Variants in AGTPBP1 observed in about 807,000 individuals in gnomAD.
AGTPBP1 encodes cytosolic carboxypeptidase 1.
In AGTPBP1, 70 loss-of-function variants were observed where a neutral mutation model predicts 143.9. The ratio of observed to expected loss-of-function variants is 0.49; its 90% confidence interval spans 0.40 to 0.59. AGTPBP1 has a LOEUF of 0.59. Among genes scored for constraint, AGTPBP1 ranks in the 20% least tolerant of loss-of-function variants. The pLI is 0.00. For synonymous variants in AGTPBP1, 463 were observed against 500.2 expected, an observed-to-expected ratio of 0.93 and a Z score of 0.99; for missense variants, 1,229 against 1,464.5, an observed-to-expected ratio of 0.84 and a Z score of 2.62.
the AGTPBP1 span, among the ~76,000 whole-genome samples, chr9:85,765,537 A>C: frequency 2.0e-5 from 3 of 151,960 alleles, no homozygotes; most frequent in Non-Finnish European, 4.4e-5. Context: ...ACTATGTAGA[A>C]GATGATTCAT....
At chr9:85,617,197 A>G (rs1830647159) in intron 17 of AGTPBP1, among the ~76,000 whole-genome samples, 1 of 152,172 alleles carries the variant, frequency 6.6e-6, no homozygotes, top group African/African-American at 2.4e-5. Context: ...AAATAGCATT[A>G]TCATATTCAT....
intron 1 of AGTPBP1, among the ~76,000 whole-genome samples, chr9:85,718,754 T>A (rs148405418): frequency 9.2e-5 from 14 of 152,360 alleles, no homozygotes; most frequent in African/African-American, 3.4e-4. Flanking sequence ...CATGCCTATG[T>A]CCTCAATGGT....
At chr9:85,639,361 G>GCA (rs1338803448) in intron 13 of AGTPBP1, among the ~76,000 whole-genome samples, 61 of 131,088 alleles carry the variant, frequency 4.7e-4, no homozygotes, top group Middle Eastern at 3.8e-3. Context: ...CCATGCGCGC[G>GCA]CACGCGCACA....
At chr9:85,568,500 G>A (rs569326670) in intron 25 of AGTPBP1, among the ~76,000 whole-genome samples, 9 of 152,286 alleles carry the variant, frequency 5.9e-5, no homozygotes, top group Admixed American at 3.9e-4. Context: ...AGGTGTAGGT[G>A]ACTTACGCTG....
the AGTPBP1 span, among the ~76,000 whole-genome samples, chr9:85,754,996 T>C: frequency 1.3e-5 from 2 of 152,228 alleles, no homozygotes; most frequent in Non-Finnish European, 2.9e-5. Flanking sequence ...AACATTTTTA[T>C]AGTTGCTCTT....
chr9:85,802,159 A>G, the AGTPBP1 span, among the ~76,000 whole-genome samples: 1 of 152,116 alleles, frequency 6.6e-6, no homozygotes. Flanking sequence ...ACCATCTCTT[A>G]TCGTTCCAAG....
At chr9:85,589,108 A>T (rs1299698479) in intron 20 of AGTPBP1, among the ~76,000 whole-genome samples, 4 of 152,206 alleles carry the variant, frequency 2.6e-5, no homozygotes, top group African/African-American at 9.6e-5. Flanking sequence ...ATTTAAAAAA[A>T]TATAAATGGC....
intron 17 of AGTPBP1, among the ~76,000 whole-genome samples, chr9:85,615,549 T>C (rs1830557933): frequency 6.6e-6 from 1 of 152,050 alleles, no homozygotes; most frequent in African/African-American, 2.4e-5. Flanking sequence ...TGTACAGTTT[T>C]AAAAAAATGT....
At chr9:85,712,296 C>T (rs773142025) in intron 2 of AGTPBP1, among the ~76,000 whole-genome samples, 1 of 152,004 alleles carries the variant, frequency 6.6e-6, no homozygotes, top group Non-Finnish European at 1.5e-5. Context: ...TCTGAGCTCA[C>T]AGGCCACACA....
At chr9:85,600,578 G>A (rs1407530185) in intron 17 of AGTPBP1, among the ~76,000 whole-genome samples, 1 of 152,096 alleles carries the variant, frequency 6.6e-6, no homozygotes, top group African/African-American at 2.4e-5. Context: ...AGGCTTCCCA[G>A]TACAGGAAAA....
At chr9:85,781,457 T>C in the AGTPBP1 span, 47 of 1,335,504 alleles carry the variant, frequency 3.5e-5, no homozygotes, top group South Asian at 1.8e-5. Flanking sequence ...TACCAATTGA[T>C]TGGGTTATTT....
the AGTPBP1 span, among the ~76,000 whole-genome samples, chr9:85,795,411 A>G: frequency 6.6e-6 from 1 of 152,214 alleles, no homozygotes; most frequent in Non-Finnish European, 1.5e-5. Flanking sequence ...GCTAAAAGAA[A>G]CAAAGCTTAA....
At chr9:85,682,985 T>C (rs985087457) in intron 3 of AGTPBP1, among the ~76,000 whole-genome samples, 2 of 152,212 alleles carry the variant, frequency 1.3e-5, no homozygotes, top group African/African-American at 4.8e-5. Flanking sequence ...GTACATGTCA[T>C]ATTTATCTTA....
At chr9:85,573,181 C>T (rs1456319778) in intron 25 of AGTPBP1, among the ~76,000 whole-genome samples, 1 of 151,948 alleles carries the variant, frequency 6.6e-6, no homozygotes, top group Non-Finnish European at 1.5e-5. Flanking sequence ...CTGCTGCCAT[C>T]TCGGCTCACT....
intron 8 of AGTPBP1, among the ~76,000 whole-genome samples, chr9:85,663,985 A>C (rs748411754): frequency 2.6e-5 from 4 of 152,150 alleles, no homozygotes; most frequent in Non-Finnish European, 5.9e-5. Flanking sequence ...AAAAGGAATA[A>C]ATTTTTGATA....
chr9:85,722,148 T>C (rs1838169619), intron 1 of AGTPBP1, among the ~76,000 whole-genome samples: 1 of 152,224 alleles, frequency 6.6e-6, no homozygotes, highest in African/African-American at 2.4e-5. Context: ...ATTATGTGTC[T>C]TGGGGTTGCT....
chr9:85,741,969 C>A, upstream of AGTPBP1: 1 of 1,244,984 alleles, frequency 8.0e-7, no homozygotes, highest in Non-Finnish European at 1.0e-6. Flanking sequence ...GCATCCCGGG[C>A]AACGTCAGCG....
chr9:85,570,912 T>A (rs1827419620), intron 25 of AGTPBP1, among the ~76,000 whole-genome samples: 2 of 152,136 alleles, frequency 1.3e-5, no homozygotes. Context: ...GGCAGGTTGA[T>A]CAAGTAAGAA....
At chr9:85,618,256 T>A (rs1254989173) in intron 17 of AGTPBP1, among the ~76,000 whole-genome samples, 2 of 151,952 alleles carry the variant, frequency 1.3e-5, no homozygotes, top group Non-Finnish European at 2.9e-5. Flanking sequence ...AAATTACATT[T>A]CTAGTTTAAA....
Sources: gnomAD v4.1 joint callset for allele counts (sites outside exome capture counted in the v4.1 genomes callset) on GRCh38, gnomAD v4.1.1 for gene constraint, MANE v1.5 for transcripts, NCBI Gene and HGNC (gene_info 2026-07-23, HGNC 2026-07-21) for gene names.